COL23A1: variants seen among roughly 807,000 people sequenced by gnomAD.
The protein encoded by COL23A1 is collagen alpha-1(XXIII) chain.
A neutral mutation model predicts 99.3 loss-of-function variants in COL23A1; 97 were observed. That is an observed-to-expected ratio of 0.98 (90% CI 0.83 to 1.16). The LOEUF is 1.16. COL23A1 is among the 50% of genes most tolerant of loss of function. The pLI, the probability that COL23A1 is intolerant of heterozygous loss-of-function variation, is 0.00. For synonymous variants in COL23A1, 320 were observed against 308.2 expected (o/e 1.04, Z -0.40); for missense variants, 762 against 757.4 (o/e 1.01, Z -0.07).
rs1758543923 is a variant in COL23A1, at chr5:178,309,401, G to T, written c.362-2482C>A. ...GAGCATACAGGGCCTGTGAGCCGCAGGCCAGGCAGGCTGGATGTGACCCCG... is the reference window on the plus strand; with the variant it reads ...GAGCATACAGGGCCTGTGAGCCGCATGCCAGGCAGGCTGGATGTGACCCCG... On this transcript the variant is annotated intron_variant, in intron 2 of 28. Coordinates refer to ENST00000390654, the MANE Select transcript of COL23A1 (RefSeq NM_173465.4). The surrounding 1 kb of genome is among the most constrained non-coding windows in gnomAD (Gnocchi z 4.7). 6.6e-6 allele frequency among the ~76,000 whole-genome samples: 1 copy of T among 152,122 alleles called. No homozygotes were observed. The highest frequency in any genetic ancestry group is 1.5e-5 in the Non-Finnish European group (1 of 68,002).
chr5:178,350,212 T>C (rs1424442250), intron 2 of COL23A1, among the ~76,000 whole-genome samples: 2 of 152,230 alleles, frequency 1.3e-5, no homozygotes, highest in Non-Finnish European at 2.9e-5. Context: ...GACGCCCACC[T>C]GGTCATGCCC....
intron 2 of COL23A1, among the ~76,000 whole-genome samples, chr5:178,512,770 G>T (rs1193932775): frequency 1.3e-5 from 2 of 152,166 alleles, no homozygotes. Context: ...CCCCAAGCAG[G>T]CTTCGTCAGG....
chr5:178,491,629 G>A (rs529946345), intron 2 of COL23A1, among the ~76,000 whole-genome samples: 1 of 152,226 alleles, frequency 6.6e-6, no homozygotes, highest in South Asian at 2.1e-4. Context: ...GCAGAGAGCG[G>A]ACCACAGAGC....
intron 12 of COL23A1, among the ~76,000 whole-genome samples, chr5:178,258,179 A>T (rs554415163): frequency 6.7e-6 from 1 of 150,064 alleles, no homozygotes; most frequent in South Asian, 2.2e-4. Context: ...GGCTGCAGGG[A>T]GCTGTGATCA....
intron 27 of COL23A1, among the ~76,000 whole-genome samples, chr5:178,239,847 C>T (rs904722336): frequency 6.9e-5 from 9 of 131,130 alleles, no homozygotes; most frequent in Non-Finnish European, 7.8e-5. Flanking sequence ...TGCCGAGAGC[C>T]GTGTGGCTTC....
chr5:178,577,182 G>A lies in COL23A1; in HGVS notation c.294+12722C>T, dbSNP rs529859539. ...TCTGCCGTCCGGGGATCCCGCGGGT[G>A]GTCCGGAGCCCGGGGCGCGGCGCGC... On this transcript the variant is annotated intron_variant, in intron 1 of 28. Transcript: ENST00000390654. 4.9e-3 allele frequency among the ~76,000 whole-genome samples: 751 copies of A among 152,262 alleles called. 6 individuals are homozygous for A. The highest frequency in any genetic ancestry group is 7.7e-3 in the South Asian group (37 of 4,826).
chr5:178,333,182 T>C (rs1471634590), intron 2 of COL23A1, among the ~76,000 whole-genome samples: 1 of 152,014 alleles, frequency 6.6e-6, no homozygotes, highest in Admixed American at 6.6e-5. Context: ...GGGCTTGAAC[T>C]CCTGACCTCG....
At chr5:178,239,520 G>A (rs1335355781) in intron 27 of COL23A1, among the ~76,000 whole-genome samples, 1 of 151,306 alleles carries the variant, frequency 6.6e-6, no homozygotes, top group Non-Finnish European at 1.5e-5. Context: ...CGAGAGCCGT[G>A]TGGCTTCCTG....
Position 178,589,653 on chromosome 5 carries a change from C to T in COL23A1, c.294+251G>A, listed in dbSNP as rs529789552. 9.2e-5 allele frequency among the ~76,000 whole-genome samples: 14 copies of T among 152,228 alleles called. No individual in the cohort carries two copies. Among genetic ancestry groups the T allele is most frequent in the Non-Finnish European group, 1.6e-4 (11 of 67,980 alleles). ...ACTCCAAAGTCCCTGGTCTCTCCTT[C>T]CCCTTTCTCGCGGCCGCCTGCCTGG... On this transcript the variant is annotated intron_variant, in intron 1 of 28. Transcript: ENST00000390654. This position sits in a 1 kb window ranked among gnomAD's most constrained non-coding sequence, Gnocchi z 5.4.
intron 2 of COL23A1, among the ~76,000 whole-genome samples, chr5:178,523,189 T>TAC (rs1468871121): frequency 1.2e-3 from 96 of 76,968 alleles, no homozygotes; most frequent in African/African-American, 3.7e-3. Flanking sequence ...CACATATATA[T>TAC]ATATATATAT....
At chr5:178,512,615 C>T (rs999151416) in intron 2 of COL23A1, among the ~76,000 whole-genome samples, 1 of 152,178 alleles carries the variant, frequency 6.6e-6, no homozygotes, top group African/African-American at 2.4e-5. Flanking sequence ...TGAAGGTGCC[C>T]TGGGCGGCAC....
At position 178,434,324 on chromosome 5, in the gene COL23A1, C is replaced by G. The variant is rs921576221; in HGVS notation, c.361+126358G>C. On this transcript the variant is annotated intron_variant, in intron 2 of 28. Coordinates refer to ENST00000390654, the MANE Select transcript of COL23A1 (RefSeq NM_173465.4). This position sits in a 1 kb window ranked among gnomAD's most constrained non-coding sequence, Gnocchi z 4.3. Reference sequence around the variant, plus strand: ...CTCCTCCTCACGTACTCACTGGCCCCGAGGCACTGTTCTCCAGGACAGATG... The same window carrying G: ...CTCCTCCTCACGTACTCACTGGCCCGGAGGCACTGTTCTCCAGGACAGATG... Among the ~76,000 whole-genome samples, 1 of 152,178 alleles carries G rather than the reference C, an allele frequency of 6.6e-6. No homozygotes were observed. Among genetic ancestry groups the G allele is most frequent in the Non-Finnish European group, 1.5e-5 (1 of 68,028 alleles).
intron 1 of COL23A1, among the ~76,000 whole-genome samples, chr5:178,573,951 C>G (rs899347717): frequency 6.6e-6 from 1 of 152,082 alleles, no homozygotes; most frequent in East Asian, 1.9e-4. Context: ...TTCAGCCTCC[C>G]AGGTTCAAGC....
intron 2 of COL23A1, among the ~76,000 whole-genome samples, chr5:178,339,931 C>T (rs1168379667): frequency 1.3e-5 from 2 of 151,378 alleles, no homozygotes; most frequent in African/African-American, 4.8e-5. Flanking sequence ...TTGCCTTATG[C>T]AAGAATAAAA....
At chr5:178,266,881 G>A (rs985838786) in intron 8 of COL23A1, among the ~76,000 whole-genome samples, 2 of 152,274 alleles carry the variant, frequency 1.3e-5, no homozygotes, top group African/African-American at 4.8e-5. Context: ...CCCATTCACA[G>A]TTGAAGAAAC....
In COL23A1 at chr5:178,329,902, A is replaced by G. The variant is rs1199893975; in HGVS notation, c.362-22983T>C. On this transcript the variant is annotated intron_variant, in intron 2 of 28. Transcript: ENST00000390654. Reference sequence around the variant, plus strand: ...CAGTGAGCCGAGATTGCGCCACTGCACTCCAGCGTGGATGACACAGTGAGA... The same window carrying G: ...CAGTGAGCCGAGATTGCGCCACTGCGCTCCAGCGTGGATGACACAGTGAGA... 1.0e-4 allele frequency among the ~76,000 whole-genome samples: 15 copies of G among 150,016 alleles called. No individual in the cohort carries two copies. In the Admixed American group the frequency reaches 1.0e-3, roughly 10 times the overall value.
chr5:178,584,126 G>A (rs369702035), intron 1 of COL23A1, among the ~76,000 whole-genome samples: 4 of 152,156 alleles, frequency 2.6e-5, no homozygotes, highest in African/African-American at 4.8e-5. Context: ...AGTGATTCTC[G>A]TGCCTCCCAA....
Position 178,449,178 on chromosome 5 carries a change from T to C in COL23A1, c.361+111504A>G, listed in dbSNP as rs927142461. Among the ~76,000 whole-genome samples, 14 of 152,122 alleles carry C rather than the reference T, an allele frequency of 9.2e-5. 1 individual carries two copies. The highest frequency in any genetic ancestry group is 5.9e-4 in the Admixed American group (9 of 15,284). ...GAAATATATTTCCATTGTGTATAAA[T>C]TACCCAGTCTAAGTTATCTTTGTTA... On this transcript the variant is annotated intron_variant, in intron 2 of 28. Transcript: ENST00000390654.
At chr5:178,431,759 T>TA (rs1406135273) in intron 2 of COL23A1, among the ~76,000 whole-genome samples, 2 of 152,218 alleles carry the variant, frequency 1.3e-5, no homozygotes, top group Non-Finnish European at 2.9e-5. Context: ...TCAGGAACAT[T>TA]AAGAGACTAG....
Sources: gnomAD v4.1 joint callset for allele counts (sites outside exome capture counted in the v4.1 genomes callset) on GRCh38, gnomAD v4.1.1 for gene constraint, Gnocchi (gnomAD v3.1) non-coding constraint, MANE v1.5 for transcripts, NCBI Gene and HGNC (gene_info 2026-07-23, HGNC 2026-07-21) for gene names.